The following MARCHF2 variants were observed in gnomAD, a reference collection of about 807,000 sequenced individuals.
MARCHF2 encodes the protein membrane associated ring-CH-type finger 2, also known as E3 ubiquitin-protein ligase MARCHF2.
Under a neutral mutation model 24.0 loss-of-function variants are expected in MARCHF2, and 22 were observed. The observed-to-expected ratio is 0.92, with a 90% CI of 0.66 to 1.31. The LOEUF is 1.31. Among genes scored for constraint, MARCHF2 ranks in the 50% most tolerant of loss-of-function variants. The pLI, the probability that MARCHF2 is intolerant of heterozygous loss-of-function variation, is 0.00. For missense variants in MARCHF2, 301 were observed against 335.3 expected (o/e 0.90, Z 0.80); for synonymous variants, 154 against 153.0 (o/e 1.01, Z -0.05).
chr19:8,421,155 C>T (rs1967226864), intron 1 of MARCHF2, among the ~76,000 whole-genome samples: 1 of 148,804 alleles, frequency 6.7e-6, no homozygotes, highest in South Asian at 2.1e-4. Flanking sequence ...CAGAGTCTTG[C>T]TCTGTCGCCC....
At chr19:8,416,652 C>T (rs1240007054) in intron 1 of MARCHF2, among the ~76,000 whole-genome samples, 3 of 152,112 alleles carry the variant, frequency 2.0e-5, no homozygotes, top group African/African-American at 7.2e-5. Flanking sequence ...TCACTGCAGC[C>T]TCAACCTGGG....
At chr19:8,415,721 C>CAAAAAAAAAAAAAAAAAAAAAA (rs1309501077) in intron 1 of MARCHF2, among the ~76,000 whole-genome samples, 2 of 17,842 alleles carry the variant, frequency 1.1e-4, no homozygotes, top group East Asian at 1.7e-3. Context: ...AACTCCATCT[C>CAAAAAAAAAAAAAAAAAAAAAA]AAAAAAAAAA....
At chr19:8,429,803 C>CTTTT (rs371323385) in intron 3 of MARCHF2, among the ~76,000 whole-genome samples, 2 of 79,664 alleles carry the variant, frequency 2.5e-5, no homozygotes, top group African/African-American at 8.5e-5. Context: ...CACACCAGGG[C>CTTTT]TTTTTTTTTT....
At chr19:8,432,158 TAAAAAAAGAA>T (rs1261710375) in intron 4 of MARCHF2, among the ~76,000 whole-genome samples, 1 of 151,418 alleles carries the variant, frequency 6.6e-6, no homozygotes, top group Non-Finnish European at 1.5e-5. Flanking sequence ...ATTCTGTCTT[TAAAAAAAGAA>T]AAAGAAAGAA....
chr19:8,421,635 G>A (rs983575142), intron 1 of MARCHF2, among the ~76,000 whole-genome samples, 154 bp from the exon 2 acceptor site: 1 of 152,090 alleles, frequency 6.6e-6, no homozygotes, highest in African/African-American at 2.4e-5. Context: ...ATCCTCACTG[G>A]CCCTACAGAG....
At chr19:8,419,451 G>A (rs890620726) in intron 1 of MARCHF2, among the ~76,000 whole-genome samples, 1 of 151,894 alleles carries the variant, frequency 6.6e-6, no homozygotes, top group Non-Finnish European at 1.5e-5. Context: ...CCAAGATCGC[G>A]CCATTGCACT....
intron 3 of MARCHF2, chr19:8,427,812 AAT>A (rs1398374517): frequency 3.2e-5 from 1 of 31,056 alleles, no homozygotes; most frequent in Admixed American, 4.9e-4. Flanking sequence ...AAATACAAAA[AAT>A]ACAAAAAAAA....
intron 1 of MARCHF2, among the ~76,000 whole-genome samples, chr19:8,419,640 C>A (rs1308331731): frequency 6.7e-6 from 1 of 149,318 alleles, no homozygotes; most frequent in Admixed American, 6.8e-5. Context: ...CACGGTGAAA[C>A]CCCGTCTCTA....
intron 3 of MARCHF2, among the ~76,000 whole-genome samples, chr19:8,428,096 TA>T (rs34875464): frequency 6.6e-6 from 1 of 152,064 alleles, no homozygotes; most frequent in Non-Finnish European, 1.5e-5. Flanking sequence ...CCATCTCTAC[TA>T]AAAATACAAA....
At chr19:8,415,918 C>T (rs1967075406) in intron 1 of MARCHF2, among the ~76,000 whole-genome samples, 1 of 152,068 alleles carries the variant, frequency 6.6e-6, no homozygotes, top group Non-Finnish European at 1.5e-5. Flanking sequence ...AGGCCTGGGC[C>T]TCTGTGGTTT....
Position 8,430,656 on chromosome 19 carries a change from A to G in MARCHF2, c.373-2A>G. 2 of 1,605,836 alleles carry G rather than the reference A, an allele frequency of 1.2e-6. No homozygotes were observed. The highest frequency in any genetic ancestry group is 1.7e-6 in the Non-Finnish European group (2 of 1,179,496). On this transcript the variant is annotated splice_acceptor_variant, in intron 3 of 4. Transcript: ENST00000215555. LOFTEE classifies it high-confidence loss of function. This position sits in a 1 kb window ranked among gnomAD's most constrained non-coding sequence, Gnocchi z 4.4. The stretch of plus-strand genomic sequence containing the variant: ...CTCTGCCCCCTATCCTCTCCCCTGC[A>G]GTGGCTGAAGGACCCGGGGCCGCGG...
chr19:8,429,629 T>C (rs1967521925), intron 3 of MARCHF2, among the ~76,000 whole-genome samples: 1 of 151,450 alleles, frequency 6.6e-6, no homozygotes, highest in Non-Finnish European at 1.5e-5. Flanking sequence ...CTCAGCCTCC[T>C]GAGTAGCTGG....
intron 4 of MARCHF2, among the ~76,000 whole-genome samples, chr19:8,434,615 G>GT (rs1009585888): frequency 1.6e-4 from 25 of 152,014 alleles, no homozygotes; most frequent in Middle Eastern, 3.4e-3. Context: ...CTACTTCCTT[G>GT]TTTTTTCCAT....
Position 8,430,883 on chromosome 19 carries a change from T to G in MARCHF2, c.582+16T>G. 6.4e-7 allele frequency: 1 copy of G among 1,564,758 alleles called. No homozygotes were observed. Among genetic ancestry groups the G allele is most frequent in the Non-Finnish European group, 8.7e-7 (1 of 1,156,042 alleles). ...CTGGACGCTGGTGAGTGGCTGTGGT[T>G]GTGCAGCACGCGTCTCGAGCTCTGC... On this transcript the variant is annotated intron_variant, in intron 4 of 4. Coordinates refer to ENST00000215555, the MANE Select transcript of MARCHF2 (RefSeq NM_001005415.2). This position sits in a 1 kb window ranked among gnomAD's most constrained non-coding sequence, Gnocchi z 4.4.
chr19:8,426,844 G>A, intron 3 of MARCHF2, 40 bp downstream of exon 3: 1 of 1,586,894 alleles, frequency 6.3e-7, no homozygotes. Flanking sequence ...GCAGTGGGGA[G>A]AGGGCAGACA....
intron 4 of MARCHF2, among the ~76,000 whole-genome samples, chr19:8,432,073 G>A (rs1967601495): frequency 6.6e-6 from 1 of 151,634 alleles, no homozygotes; most frequent in Admixed American, 6.6e-5. Context: ...CAGGAGCATC[G>A]CTTAAACCCA....
Position 8,415,746 on chromosome 19 carries a change from A to ACC in MARCHF2, c.-53+2326_-53+2327insCC, listed in dbSNP as rs1967069574. Among the ~76,000 whole-genome samples the ACC allele has an allele frequency of 1.3e-4, 7 of 54,904 alleles. 1 individual carries two copies. The highest frequency in any genetic ancestry group is 1.1e-3 in the Admixed American group (6 of 5,542). The allele number at this position is 54,904 out of a possible 152,430, so 36.0% of individuals were successfully genotyped here. ...CAAAAAAAAAAAAACAAAAAAAACA[A>ACC]AAAAAAAAACCAGACAAAAGAAAGA... is the stretch of plus-strand genomic sequence containing the variant. On this transcript the variant is annotated intron_variant, in intron 1 of 4. Transcript: ENST00000215555.
chr19:8,426,640 G>A lies in MARCHF2; in HGVS notation c.208G>A (p.Gly70Arg). The A allele has an allele frequency of 6.2e-7, 1 of 1,614,080 alleles. No individual in the cohort carries two copies. The highest frequency in any genetic ancestry group is 8.5e-7 in the Non-Finnish European group (1 of 1,180,016). The change falls in exon 3 of 5, where the codon GGA (glycine) becomes AGA (arginine). Residue 70 changes from glycine to arginine, a missense_variant. By Grantham distance (125) the Gly-to-Arg change is moderately radical (BLOSUM62 -2). Coordinates refer to ENST00000215555, the MANE Select transcript of MARCHF2 (RefSeq NM_001005415.2). ...DGPFCRICHE[G>R]ANGECLLSPC... ...TCCTTTCTGCCGGATCTGCCATGAGGGAGCGAACGGGGAGTGCTTGCTGTC... is the reference window on the plus strand; with the variant it reads ...TCCTTTCTGCCGGATCTGCCATGAGAGAGCGAACGGGGAGTGCTTGCTGTC...
At chr19:8,428,036 G>A (rs772910708) in intron 3 of MARCHF2, among the ~76,000 whole-genome samples, 49 of 151,192 alleles carry the variant, frequency 3.2e-4, no homozygotes, top group Non-Finnish European at 6.6e-4. Context: ...CGAGGCGGGC[G>A]GATCACGAGG....
Sources: allele counts gnomAD v4.1 joint callset (sites outside exome capture counted in the v4.1 genomes callset), GRCh38; gene constraint gnomAD v4.1.1; non-coding constraint Gnocchi (gnomAD v3.1); transcripts MANE v1.5; gene names NCBI Gene and HGNC (gene_info 2026-07-23, HGNC 2026-07-21).